GMEB2: variants seen among roughly 807,000 people sequenced by gnomAD.
GMEB2 encodes the protein glucocorticoid modulatory element binding protein 2.
GMEB2 carries 7 observed loss-of-function variants against 45.7 expected under a neutral mutation model. The ratio of observed to expected loss-of-function variants is 0.15; its 90% confidence interval spans 0.09 to 0.29. The LOEUF (loss-of-function observed/expected upper bound fraction) is 0.29. GMEB2 is among the 10% of genes least tolerant of loss of function. The pLI is 1.00. For synonymous variants in GMEB2, 322 were observed against 323.6 expected (o/e 1.00, Z 0.05); for missense variants, 582 against 739.2 (o/e 0.79, Z 2.47).
At position 63,619,462 on chromosome 20, in the gene GMEB2, A is replaced by T; in HGVS notation, c.-57-8T>A. On this transcript the variant is annotated splice_region_variant and splice_polypyrimidine_tract_variant and intron_variant, in intron 1 of 9. Coordinates refer to ENST00000370077, the MANE Select transcript of GMEB2 (RefSeq NM_012384.5). This position sits in a 1 kb window ranked among gnomAD's most constrained non-coding sequence, Gnocchi z 4.6. ...CCTCCAGGGTCCCAAGTCCTGGAGGAAGCAAGGCAGGGCACAGGGATGGAG... is the reference window on the plus strand; with the variant it reads ...CCTCCAGGGTCCCAAGTCCTGGAGGTAGCAAGGCAGGGCACAGGGATGGAG... 1 of 1,558,290 alleles carries T rather than the reference A, an allele frequency of 6.4e-7. No homozygotes were observed. Among genetic ancestry groups the T allele is most frequent in the Non-Finnish European group, 8.7e-7 (1 of 1,149,662 alleles).
intron 5 of GMEB2, 21 bp downstream of exon 5, chr20:63,597,736 T>C (rs374939167): frequency 5.9e-5 from 81 of 1,377,986 alleles, no homozygotes; most frequent in Non-Finnish European, 8.0e-5. Context: ...GCAGGGAGGC[T>C]GACCCTGCGC....
intron 2 of GMEB2, among the ~76,000 whole-genome samples, chr20:63,611,257 G>T (rs1428606796): frequency 6.6e-6 from 1 of 152,246 alleles, no homozygotes; most frequent in Non-Finnish European, 1.5e-5. Context: ...GTGTGTGGAA[G>T]GGGCCACTGT....
At chr20:63,608,910 ATTTCTAGAAACATGCCCCTGTGACCC>A (rs1192390097) in intron 2 of GMEB2, among the ~76,000 whole-genome samples, 580 of 24,664 alleles carry the variant, frequency 0.024, 90 homozygotes, top group Non-Finnish European at 0.058. Context: ...CCTCACCTCC[ATTTCTAGAAACATGCCCCTGTGACCC>A]CACCTCCATT....
intron 2 of GMEB2, among the ~76,000 whole-genome samples, chr20:63,616,425 C>T (rs1272480406): frequency 6.6e-6 from 1 of 152,138 alleles, no homozygotes; most frequent in Non-Finnish European, 1.5e-5. Context: ...GCCTAGGCAA[C>T]AAGAGCGAGA....
Position 63,589,131 on chromosome 20 carries a change from T to G in GMEB2, c.*958A>C, listed in dbSNP as rs993732417. ...AGGGCCCACATGGGAATCCTCGACCTCCATAGTGACTGGTTCTGTTTATGC... is the reference window on the plus strand; with the variant it reads ...AGGGCCCACATGGGAATCCTCGACCGCCATAGTGACTGGTTCTGTTTATGC... On this transcript the variant is annotated 3_prime_UTR_variant, in exon 10 of 10. Coordinates refer to ENST00000370077, the MANE Select transcript of GMEB2 (RefSeq NM_012384.5). 2.5e-6 allele frequency: 1 copy of G among 398,768 alleles called. No individual in the cohort carries two copies. Among genetic ancestry groups the G allele is most frequent in the Non-Finnish European group, 4.4e-6 (1 of 226,138 alleles). 24.7% of individuals were successfully genotyped at this position (398,768 alleles called of 1,614,324 possible).
In GMEB2 at chr20:63,592,032, C is replaced by A; in HGVS notation, c.942G>T (p.Arg314=). The part of the protein sequence containing the change: ...QMDRSREQYA[R]DLAALEQQCD... Reference sequence around the variant, plus strand: ...GTGGTCTCAGCATACCTGCCAGGTCCCGGGCGTACTGCTCCCGCGAGCGGT... The same window carrying A: ...GTGGTCTCAGCATACCTGCCAGGTCACGGGCGTACTGCTCCCGCGAGCGGT... Residue 314 remains arginine, a synonymous_variant, in exon 9 of 10, where the codon CGG becomes CGT. Coordinates refer to ENST00000370077, the MANE Select transcript of GMEB2 (RefSeq NM_012384.5). This position sits in a 1 kb window ranked among gnomAD's most constrained non-coding sequence, Gnocchi z 8.2. 6.2e-7 allele frequency: 1 copy of A among 1,611,226 alleles called. No individual in the cohort carries two copies. Among genetic ancestry groups the A allele is most frequent in the Non-Finnish European group, 8.5e-7 (1 of 1,179,722 alleles).
chr20:63,593,764 G>C lies in GMEB2; in HGVS notation c.620-682C>G, dbSNP rs1040572886. ...GGGCCGGATGTGGTGGCTCACGCCT[G>C]TAATCCAGGCACTTTGGGAGACTGA... On this transcript the variant is annotated intron_variant, in intron 6 of 9. Coordinates refer to ENST00000370077, the MANE Select transcript of GMEB2 (RefSeq NM_012384.5). The surrounding 1 kb of genome is among the most constrained non-coding windows in gnomAD (Gnocchi z 4.7). Among the ~76,000 whole-genome samples, 25 of 152,238 alleles carry C rather than the reference G, an allele frequency of 1.6e-4. No individual in the cohort carries two copies. The highest frequency in any genetic ancestry group is 7.3e-5 in the Non-Finnish European group (5 of 68,054).
chr20:63,616,232 T>A (rs1023789727), intron 2 of GMEB2, among the ~76,000 whole-genome samples: 1 of 151,816 alleles, frequency 6.6e-6, no homozygotes, highest in Non-Finnish European at 1.5e-5. Context: ...TCACCTAAGG[T>A]CAGGAGTTTG....
At chr20:63,605,500 G>A (rs2089511495) in intron 2 of GMEB2, among the ~76,000 whole-genome samples, 1 of 150,740 alleles carries the variant, frequency 6.6e-6, no homozygotes, top group African/African-American at 2.4e-5. Flanking sequence ...TCCAGCCTGG[G>A]CGACAGAGCA....
At chr20:63,624,731 G>T (rs528671940) in intron 1 of GMEB2, among the ~76,000 whole-genome samples, 1 of 152,040 alleles carries the variant, frequency 6.6e-6, no homozygotes, top group Non-Finnish European at 1.5e-5. Context: ...TTTTTGAGAC[G>T]GAGTCTCGCT....
chr20:63,599,155 T>A (rs2146059391), intron 4 of GMEB2, among the ~76,000 whole-genome samples: 1 of 151,754 alleles, frequency 6.6e-6, no homozygotes, highest in East Asian at 1.9e-4. Context: ...CAGCCGCTCC[T>A]GACCCTCCAG....
At chr20:63,618,706 C>A (rs917689271) in intron 2 of GMEB2, among the ~76,000 whole-genome samples, 6 of 152,190 alleles carry the variant, frequency 3.9e-5, no homozygotes, top group African/African-American at 9.6e-5. Context: ...CAGCCTGGGA[C>A]TGCCCGGGGC....
chr20:63,607,680 ACC>A (rs2089532531), intron 2 of GMEB2, among the ~76,000 whole-genome samples: 1 of 8,116 alleles, frequency 1.2e-4, no homozygotes, highest in African/African-American at 2.9e-4. Context: ...TCTGACCCAC[ACC>A]TCCATTTCTA....
intron 1 of GMEB2, among the ~76,000 whole-genome samples, chr20:63,624,527 G>C (rs1372786028): frequency 6.6e-6 from 1 of 152,176 alleles, no homozygotes; most frequent in East Asian, 1.9e-4. Context: ...CTGAGGAGAC[G>C]CTGCTTTCAT....
intron 1 of GMEB2, among the ~76,000 whole-genome samples, chr20:63,623,781 G>A (rs139052206): frequency 0.014 from 2,111 of 151,574 alleles, 28 homozygotes; most frequent in Non-Finnish European, 0.021. Context: ...CTGGGTGACA[G>A]AGTGAGACTC....
chr20:63,602,921 C>A lies in GMEB2; in HGVS notation c.357+44G>T, dbSNP rs1321438344. 5 of 1,591,284 alleles carry A rather than the reference C, an allele frequency of 3.1e-6. No individual in the cohort carries two copies. In the African/African-American group the frequency reaches 6.7e-5, roughly 21 times the overall value. On this transcript the variant is annotated intron_variant, in intron 4 of 9. Transcript: ENST00000370077. Reference sequence around the variant, plus strand: ...TGCACCCCCAAAGCAGTCACAGACACCATGAGGCCTCTCTCCTGGGCCCTG... The same window carrying A: ...TGCACCCCCAAAGCAGTCACAGACAACATGAGGCCTCTCTCCTGGGCCCTG...
chr20:63,610,269 C>G (rs894184003), intron 2 of GMEB2, among the ~76,000 whole-genome samples: 1 of 152,202 alleles, frequency 6.6e-6, no homozygotes, highest in Non-Finnish European at 1.5e-5. Context: ...CACCTGTAAT[C>G]CCAGCACTTT....
chr20:63,619,886 G>C lies in GMEB2; in HGVS notation c.-57-432C>G, dbSNP rs1210189862. ...TCCAAGAAGTCCTCGCTGGTCTGTGGAACGGGAAGGGAAACCCATTCAAGA... is the reference window on the plus strand; with the variant it reads ...TCCAAGAAGTCCTCGCTGGTCTGTGCAACGGGAAGGGAAACCCATTCAAGA... On this transcript the variant is annotated intron_variant, in intron 1 of 9. Coordinates refer to ENST00000370077, the MANE Select transcript of GMEB2 (RefSeq NM_012384.5). The surrounding 1 kb of genome is among the most constrained non-coding windows in gnomAD (Gnocchi z 4.6). 2 of 152,602 alleles carry C rather than the reference G, an allele frequency of 1.3e-5. No individual in the cohort carries two copies. The highest frequency in any genetic ancestry group is 2.9e-5 in the Non-Finnish European group (2 of 68,322). The allele number at this position is 152,602 out of a possible 1,614,324, so 9.5% of individuals were successfully genotyped here. A position where few individuals can be genotyped will look rare whatever the true frequency, so the allele number is the denominator to read the frequency against.
At chr20:63,611,573 C>T (rs1569056507) in intron 2 of GMEB2, among the ~76,000 whole-genome samples, 1 of 151,820 alleles carries the variant, frequency 6.6e-6, no homozygotes, top group Admixed American at 6.6e-5. Context: ...TGAGATCATG[C>T]CACTGCACTC....
Sources: gnomAD v4.1 joint callset for allele counts (sites outside exome capture counted in the v4.1 genomes callset) on GRCh38, gnomAD v4.1.1 for gene constraint, Gnocchi (gnomAD v3.1) non-coding constraint, MANE v1.5 for transcripts, NCBI Gene and HGNC (gene_info 2026-07-23, HGNC 2026-07-21) for gene names.